Variants in IL7 observed in about 807,000 individuals in gnomAD.
The protein encoded by IL7 is interleukin-7.
Under a neutral mutation model 21.6 loss-of-function variants are expected in IL7, and 3 were observed. The observed-to-expected ratio is 0.14, with a 90% CI of 0.06 to 0.36. The LOEUF is 0.36. Ranked by LOEUF, IL7 falls within the 10% of genes least tolerant of loss-of-function variation. The pLI is 1.00. For synonymous variants in IL7, 62 were observed against 68.1 expected, an observed-to-expected ratio of 0.91 and a Z score of 0.44; for missense variants, 175 against 200.2, an observed-to-expected ratio of 0.87 and a Z score of 0.76.
chr8:78,697,018 G>C (rs117489947), intron 3 of IL7, among the ~76,000 whole-genome samples: 17 of 152,272 alleles, frequency 1.1e-4, no homozygotes, highest in Non-Finnish European at 2.4e-4. Context: ...TGTTTTAGCA[G>C]TGGAGCATCT....
chr8:78,779,293 G>A (rs1813237192), intron 2 of IL7, among the ~76,000 whole-genome samples: 1 of 152,172 alleles, frequency 6.6e-6, no homozygotes, highest in South Asian at 2.1e-4. Context: ...AGTGGTGAGA[G>A]TGGGCATCCT....
At chr8:78,697,652 A>C (rs1460400658) in intron 3 of IL7, 2 of 640,414 alleles carry the variant, frequency 3.1e-6, no homozygotes, top group African/African-American at 3.9e-5. Context: ...TTTTAAAATA[A>C]GATAACTTTG....
chr8:78,792,945 A>G lies in IL7; in HGVS notation c.147+5127T>C, dbSNP rs181118130. Among the ~76,000 whole-genome samples, 823 of 152,258 alleles carry G rather than the reference A, an allele frequency of 5.4e-3. 10 individuals carry two copies. The highest frequency in any genetic ancestry group is 0.019 in the African/African-American group (796 of 41,558). ...AACATATCAAGACAATTGTATAAAA[A>G]CTTGCATAGCCAAACAATGGAAAAC... On this transcript the variant is annotated intron_variant, in intron 2 of 5. Transcript: ENST00000263851.
At chr8:78,795,717 T>C (rs964824211) in intron 2 of IL7, among the ~76,000 whole-genome samples, 1 of 152,106 alleles carries the variant, frequency 6.6e-6, no homozygotes, top group African/African-American at 2.4e-5. Context: ...AAATATTATC[T>C]TGACTCAAAA....
At chr8:78,684,137 A>G (rs1395902906) in intron 4 of IL7, among the ~76,000 whole-genome samples, 4 of 152,172 alleles carry the variant, frequency 2.6e-5, no homozygotes, top group African/African-American at 4.8e-5. Context: ...AAAGTTGCTT[A>G]CACATTTTGG....
At chr8:78,747,209 T>TTGG (rs34060503) in intron 2 of IL7, 1 of 371,384 alleles carries the variant, frequency 2.7e-6, no homozygotes, top group Admixed American at 3.6e-5. Context: ...TTTTTTTTTT[T>TTGG]GAGATGGGGT....
At chr8:78,715,321 A>G (rs1811066884), downstream of IL7, 2 of 1,611,682 alleles carry the variant, frequency 1.2e-6, no homozygotes, top group East Asian at 2.2e-5. Context: ...TGAGAGCTAC[A>G]TAGCCAGGTA....
chr8:78,724,416 A>G (rs968405086), intron 3 of IL7, among the ~76,000 whole-genome samples: 7 of 151,994 alleles, frequency 4.6e-5, no homozygotes, highest in African/African-American at 1.7e-4. Context: ...TTTAAAGCTT[A>G]ATTTTTTAAA....
intron 3 of IL7, among the ~76,000 whole-genome samples, chr8:78,690,548 A>G (rs1454142567): frequency 1.3e-5 from 2 of 150,954 alleles, no homozygotes; most frequent in Non-Finnish European, 2.9e-5. Context: ...CGACAGAGCA[A>G]GAGACTGTCT....
intron 1 of IL7, among the ~76,000 whole-genome samples, chr8:78,799,634 A>G (rs1163669714): frequency 6.6e-6 from 1 of 152,056 alleles, no homozygotes; most frequent in Non-Finnish European, 1.5e-5. Context: ...CAGGAACTTT[A>G]TATATAAAAT....
chr8:78,792,348 A>T (rs1466377732), intron 2 of IL7, among the ~76,000 whole-genome samples: 1 of 152,172 alleles, frequency 6.6e-6, no homozygotes, highest in African/African-American at 2.4e-5. Flanking sequence ...TAAAACATAG[A>T]TGTAAATCTT....
intron 2 of IL7, among the ~76,000 whole-genome samples, chr8:78,793,223 G>T (rs1813750269): frequency 6.6e-6 from 1 of 152,152 alleles, no homozygotes; most frequent in Non-Finnish European, 1.5e-5. Context: ...GCAGAATAGT[G>T]GCTGCCAGAG....
chr8:78,736,337 G>T, intron 5 of IL7, 137 bp downstream of exon 5: 2 of 500,180 alleles, frequency 4.0e-6, no homozygotes, highest in Non-Finnish European at 6.9e-6. Context: ...GGGGCACCTC[G>T]CTTCTCCTTT....
intron 2 of IL7, among the ~76,000 whole-genome samples, chr8:78,749,855 G>A (rs549341175): frequency 6.6e-6 from 1 of 152,170 alleles, no homozygotes; most frequent in African/African-American, 2.4e-5. Context: ...ACAACATAGT[G>A]AGATCCTATC....
intron 2 of IL7, chr8:78,746,847 G>A (rs986529027): frequency 2.9e-6 from 1 of 345,086 alleles, no homozygotes; most frequent in Non-Finnish European, 5.7e-6. Context: ...AAAAATAAAG[G>A]TGGAAAAGGG....
intron 2 of IL7, among the ~76,000 whole-genome samples, chr8:78,752,474 T>C (rs1812206761): frequency 6.6e-6 from 1 of 152,230 alleles, no homozygotes; most frequent in South Asian, 2.1e-4. Context: ...CTGACAGGTG[T>C]GATAGCTCAT....
chr8:78,748,727 G>A (rs1376643442), intron 2 of IL7, among the ~76,000 whole-genome samples: 1 of 152,166 alleles, frequency 6.6e-6, no homozygotes, highest in African/African-American at 2.4e-5. Flanking sequence ...AGTAAAGCCA[G>A]AGAGTTAGAA....
At chr8:78,744,911 T>A (rs1361625195) in intron 2 of IL7, among the ~76,000 whole-genome samples, 1 of 152,086 alleles carries the variant, frequency 6.6e-6, no homozygotes, top group African/African-American at 2.4e-5. Context: ...GCAGGGGAGG[T>A]TCACCTGGCT....
chr8:78,798,510 T>C (rs1813940092), intron 1 of IL7, among the ~76,000 whole-genome samples: 1 of 152,064 alleles, frequency 6.6e-6, no homozygotes, highest in South Asian at 2.1e-4. Context: ...CAATTTGAAT[T>C]TATGTTGAAC....
Sources: gnomAD v4.1 joint callset for allele counts (sites outside exome capture counted in the v4.1 genomes callset) on GRCh38, gnomAD v4.1.1 for gene constraint, MANE v1.5 for transcripts, NCBI Gene and HGNC (gene_info 2026-07-23, HGNC 2026-07-21) for gene names.